Variants in PACRG observed in about 807,000 individuals in gnomAD.
The protein encoded by PACRG is parkin coregulated.
PACRG carries 29 observed loss-of-function variants against 29.7 expected under a neutral mutation model. The ratio of observed to expected loss-of-function variants is 0.98; its 90% CI spans 0.73 to 1.33. PACRG has a LOEUF of 1.33. Among genes scored for constraint, PACRG ranks in the 40% most tolerant of loss-of-function variants. The probability of loss-of-function intolerance (pLI) is 0.00; values close to 1 mark genes in which losing one functional copy is unlikely to be tolerated. For missense variants in PACRG, 279 were observed against 316.2 expected, an observed-to-expected ratio of 0.88 and a Z score of 0.89; for synonymous variants, 116 against 118.7, an observed-to-expected ratio of 0.98 and a Z score of 0.15.
chr6:163,258,982 T>C (rs1411672811), intron 4 of PACRG, among the ~76,000 whole-genome samples: 1 of 152,150 alleles, frequency 6.6e-6, no homozygotes, highest in African/African-American at 2.4e-5. Flanking sequence ...CCCGAGGAAC[T>C]AACAACACAA....
chr6:163,282,038 C>T (rs1227612565), intron 4 of PACRG, among the ~76,000 whole-genome samples: 1 of 151,882 alleles, frequency 6.6e-6, no homozygotes, highest in African/African-American at 2.4e-5. Context: ...ATATTCAGAA[C>T]TTTTTTAAAA....
chr6:163,176,968 G>C (rs1182720558), intron 4 of PACRG, among the ~76,000 whole-genome samples: 1 of 152,176 alleles, frequency 6.6e-6, no homozygotes, highest in African/African-American at 2.4e-5. Flanking sequence ...ATGGGCTTCT[G>C]TTTGGAGGGG....
chr6:162,948,744 C>G (rs2128130137), intron 2 of PACRG, among the ~76,000 whole-genome samples: 1 of 152,086 alleles, frequency 6.6e-6, no homozygotes, highest in Middle Eastern at 3.4e-3. Flanking sequence ...ATGAACATTC[C>G]TCAAAAAAGG....
chr6:162,957,352 G>A (rs1800128142), intron 2 of PACRG: 2 of 617,054 alleles, frequency 3.2e-6, no homozygotes, highest in African/African-American at 1.8e-5. Context: ...ACCACCACAG[G>A]CCCTGCTGAC....
intron 4 of PACRG, among the ~76,000 whole-genome samples, chr6:163,149,796 T>C (rs559063212): frequency 6.6e-6 from 1 of 152,252 alleles, no homozygotes; most frequent in African/African-American, 2.4e-5. Flanking sequence ...CAGGCCTCCC[T>C]GCCAGCAGCG....
chr6:162,979,906 A>C (rs1053474103), intron 2 of PACRG, among the ~76,000 whole-genome samples: 1 of 152,094 alleles, frequency 6.6e-6, no homozygotes, highest in African/African-American at 2.4e-5. Context: ...TCTCCCTCAG[A>C]GCTTTTAGGG....
chr6:163,158,792 G>A (rs1006291916), intron 4 of PACRG, among the ~76,000 whole-genome samples: 2 of 152,174 alleles, frequency 1.3e-5, no homozygotes, highest in African/African-American at 4.8e-5. Flanking sequence ...CAGGGCTTTG[G>A]TGCTGGAAGC....
intron 3 of PACRG, among the ~76,000 whole-genome samples, chr6:163,070,773 A>C (rs1811968109): frequency 6.8e-6 from 1 of 147,260 alleles, no homozygotes; most frequent in Admixed American, 6.8e-5. Context: ...AATTGATTTA[A>C]AAAAAAAAAA....
intron 4 of PACRG, 45 bp downstream of exon 4, chr6:163,089,453 A>G (rs200667333): frequency 5.6e-5 from 90 of 1,597,832 alleles, no homozygotes; most frequent in Admixed American, 6.8e-5. Flanking sequence ...CCAAAGAAAA[A>G]GGGAGTGGTT....
At position 163,063,712 on chromosome 6, in the gene PACRG, T is replaced by A. The variant is rs145614159; in HGVS notation, c.463+1391T>A. ...AAGTGACCACACCACATTTCCACCA[T>A]GACAGACAGTGAAACCAAACCAAAG... On this transcript the variant is annotated intron_variant, in intron 3 of 4. Coordinates refer to ENST00000366888, the MANE Select transcript of PACRG (RefSeq NM_001080379.2). Among the ~76,000 whole-genome samples the A allele has an allele frequency of 1.1e-3, 173 of 152,136 alleles. 2 individuals carry two copies. In the East Asian group the frequency reaches 0.016, roughly 14 times the overall value.
At chr6:163,233,613 G>C (rs1191691248) in intron 4 of PACRG, among the ~76,000 whole-genome samples, 1 of 152,214 alleles carries the variant, frequency 6.6e-6, no homozygotes, top group Admixed American at 6.5e-5. Flanking sequence ...AGTCCAAGAG[G>C]CCGTGGAGGG....
chr6:162,947,032 C>T (rs1799062749), intron 2 of PACRG, among the ~76,000 whole-genome samples: 1 of 151,592 alleles, frequency 6.6e-6, no homozygotes, highest in South Asian at 2.1e-4. Flanking sequence ...ACTAAATGGG[C>T]AAAAGCTGGA....
At chr6:162,870,671 T>C (rs992733545) in intron 2 of PACRG, among the ~76,000 whole-genome samples, 1 of 152,236 alleles carries the variant, frequency 6.6e-6, no homozygotes, top group Non-Finnish European at 1.5e-5. Flanking sequence ...TGAGAACATA[T>C]ACATTTCTTC....
At chr6:162,966,773 G>C (rs1584894666) in intron 2 of PACRG, among the ~76,000 whole-genome samples, 1 of 152,060 alleles carries the variant, frequency 6.6e-6, no homozygotes, top group Non-Finnish European at 1.5e-5. Flanking sequence ...CCCGCACCCG[G>C]CCCCGACATG....
chr6:163,075,627 A>T (rs1812472456), intron 3 of PACRG, among the ~76,000 whole-genome samples: 1 of 152,248 alleles, frequency 6.6e-6, no homozygotes, highest in Admixed American at 6.5e-5. Flanking sequence ...GCCAATTTAC[A>T]ACATTAATGA....
intron 4 of PACRG, among the ~76,000 whole-genome samples, chr6:163,272,282 G>T (rs147073480): frequency 3.9e-5 from 6 of 152,042 alleles, no homozygotes; most frequent in Admixed American, 3.9e-4. Flanking sequence ...CATGATCTGC[G>T]TCCCTCGGCC....
chr6:162,896,371 G>A (rs998909402), intron 2 of PACRG, among the ~76,000 whole-genome samples: 2 of 152,174 alleles, frequency 1.3e-5, no homozygotes, highest in Non-Finnish European at 2.9e-5. Context: ...TGTGGTTCAC[G>A]CTTACTGCGG....
At chr6:162,801,162 A>G (rs1328698432) in intron 1 of PACRG, among the ~76,000 whole-genome samples, 1 of 152,138 alleles carries the variant, frequency 6.6e-6, no homozygotes, top group Non-Finnish European at 1.5e-5. Context: ...TCTGTTGCCC[A>G]GGCTGGGGGA....
intron 1 of PACRG, among the ~76,000 whole-genome samples, chr6:162,796,338 T>A (rs1785379159): frequency 6.6e-6 from 1 of 152,148 alleles, no homozygotes; most frequent in Non-Finnish European, 1.5e-5. Flanking sequence ...TCTTTTTATA[T>A]TTATTAATAG....
Sources: allele counts gnomAD v4.1 joint callset (sites outside exome capture counted in the v4.1 genomes callset), GRCh38; gene constraint gnomAD v4.1.1; transcripts MANE v1.5; gene names NCBI Gene and HGNC (gene_info 2026-07-23, HGNC 2026-07-21).